Variants in CELF4 observed in about 807,000 individuals in gnomAD.
CELF4 encodes CUG-BP- and ETR-3-like factor 4.
CELF4 carries 18 observed loss-of-function variants against 59.9 expected under a neutral mutation model. The ratio of observed to expected loss-of-function variants is 0.30; its 90% confidence interval spans 0.21 to 0.45. CELF4 has a LOEUF of 0.45. CELF4 is among the 20% of genes least tolerant of loss of function. The pLI, the probability that CELF4 is intolerant of heterozygous loss-of-function variation, is 1.00. For synonymous variants in CELF4, 261 were observed against 267.1 expected, an observed-to-expected ratio of 0.98 and a Z score of 0.22; for missense variants, 456 against 689.0, an observed-to-expected ratio of 0.66 and a Z score of 3.79.
intron 2 of CELF4, among the ~76,000 whole-genome samples, chr18:37,456,212 C>A (rs1276411816): frequency 6.6e-6 from 1 of 152,154 alleles, no homozygotes; most frequent in Admixed American, 6.5e-5. Context: ...AGGGCAGACA[C>A]CCTGGTCTGG....
intron 2 of CELF4, among the ~76,000 whole-genome samples, chr18:37,353,527 G>A (rs1455719799): frequency 6.6e-6 from 1 of 151,418 alleles, no homozygotes; most frequent in Non-Finnish European, 1.5e-5. Context: ...TAGGGCATGG[G>A]GGAAGAACTG....
intron 2 of CELF4, among the ~76,000 whole-genome samples, chr18:37,456,736 G>A (rs1280370567): frequency 2.6e-5 from 4 of 152,144 alleles, no homozygotes; most frequent in South Asian, 2.1e-4. Context: ...ACCCTCCTGC[G>A]GATGCTCAAT....
chr18:37,505,674 G>C (rs996472798), intron 1 of CELF4, among the ~76,000 whole-genome samples: 1 of 152,216 alleles, frequency 6.6e-6, no homozygotes, highest in Non-Finnish European at 1.5e-5. Flanking sequence ...GCATCAGACA[G>C]ACCTGGAATC....
chr18:37,323,353 T>C (rs1454426711), intron 2 of CELF4, among the ~76,000 whole-genome samples: 1 of 151,976 alleles, frequency 6.6e-6, no homozygotes, highest in African/African-American at 2.4e-5. Flanking sequence ...GGAAGCAAGA[T>C]ACTTTGTTCC....
intron 3 of CELF4, among the ~76,000 whole-genome samples, chr18:37,301,166 C>T (rs1036547531): frequency 6.6e-6 from 1 of 152,160 alleles, no homozygotes; most frequent in African/African-American, 2.4e-5. Context: ...ATGAGCAAAA[C>T]TGTGGCACCA....
chr18:37,339,491 T>C lies in CELF4; in HGVS notation c.370-17610A>G, dbSNP rs537609756. Among the ~76,000 whole-genome samples the C allele has an allele frequency of 1.1e-4, 17 of 152,314 alleles. 1 individual carries two copies. The South Asian group carries it at 3.1e-3, about 28-fold the overall frequency. On this transcript the variant is annotated intron_variant, in intron 2 of 12. Transcript: ENST00000420428. Reference sequence around the variant, plus strand: ...AAAGGTGGCCAGGCACAGTGGCTCATGTCTGCAATCCCAGCACTTTGGGAG... The same window carrying C: ...AAAGGTGGCCAGGCACAGTGGCTCACGTCTGCAATCCCAGCACTTTGGGAG...
intron 3 of CELF4, among the ~76,000 whole-genome samples, chr18:37,319,242 G>T (rs2096990909): frequency 1.3e-5 from 2 of 152,238 alleles, no homozygotes; most frequent in Non-Finnish European, 2.9e-5. Context: ...GCTGAGTGAG[G>T]ATGGCACTCC....
intron 3 of CELF4, among the ~76,000 whole-genome samples, chr18:37,293,916 G>C (rs1238166559): frequency 3.9e-5 from 6 of 152,014 alleles, no homozygotes; most frequent in Non-Finnish European, 2.9e-5. Flanking sequence ...ACATATGGGG[G>C]TCAGGGAGGA....
In CELF4 at chr18:37,244,182, G is replaced by C. The variant is rs1458331474; in HGVS notation, c.*1060C>G. Reference sequence around the variant, plus strand: ...TTTTTATTTTTTTTTTTTATTTTTTGCTTTCCTCTAATTTTTCTTCTATTA... The same window carrying C: ...TTTTTATTTTTTTTTTTTATTTTTTCCTTTCCTCTAATTTTTCTTCTATTA... On this transcript the variant is annotated 3_prime_UTR_variant, in exon 13 of 13. Coordinates refer to ENST00000420428, the MANE Select transcript of CELF4 (RefSeq NM_020180.4). 8.5e-6 allele frequency: 1 copy of C among 117,906 alleles called. No individual in the cohort carries two copies. The highest frequency in any genetic ancestry group is 1.9e-5 in the Non-Finnish European group (1 of 53,076). The allele number at this position is 117,906 out of a possible 1,614,324, so 7.3% of individuals were successfully genotyped here. A position where few individuals can be genotyped will look rare whatever the true frequency, so the allele number is the denominator to read the frequency against.
chr18:37,361,715 C>T lies in CELF4; in HGVS notation c.370-39834G>A, dbSNP rs1192518086. ...CTCTTTCCCTCCTAAGGGGTCACTC[C>T]TGCTCATCAAGGATGTTTTAAGTGG... On this transcript the variant is annotated intron_variant, in intron 2 of 12. Transcript: ENST00000420428. Among the ~76,000 whole-genome samples the T allele has an allele frequency of 2.0e-5, 3 of 152,138 alleles. 1 individual carries two copies. The highest frequency in any genetic ancestry group is 2.0e-4 in the Admixed American group (3 of 15,278).
At position 37,565,543 on chromosome 18, in the gene CELF4, C is replaced by T. The variant is rs2099987956; in HGVS notation, c.99G>A (p.Met33Ile). ...TCCCCGGGCTGTGGCTTAATCCGTT[C>T]ATGTGCCCGGCACTGCCCGGGCTGC... ...LGSSPGSAGH[M>I]NGLSHSPGNP... is the part of the protein sequence containing the mutation. Residue 33 changes from methionine (M) to isoleucine (I), a missense_variant, in exon 1 of 13, where the codon ATG becomes ATA. Transcript: ENST00000420428. 1.9e-6 allele frequency: 3 copies of T among 1,614,210 alleles called. No homozygotes were observed. Among genetic ancestry groups the T allele is most frequent in the Non-Finnish European group, 2.5e-6 (3 of 1,180,024 alleles).
chr18:37,442,234 C>T (rs1380063010), intron 2 of CELF4, among the ~76,000 whole-genome samples: 1 of 152,160 alleles, frequency 6.6e-6, no homozygotes, highest in East Asian at 1.9e-4. Flanking sequence ...ACGAACATGG[C>T]TTCTGTAGGG....
At chr18:37,331,470 C>T (rs553081187) in intron 2 of CELF4, among the ~76,000 whole-genome samples, 25 of 152,200 alleles carry the variant, frequency 1.6e-4, no homozygotes, top group African/African-American at 4.3e-4. Context: ...GCACAGGCTC[C>T]GAGTATGATA....
intron 7 of CELF4, 28 bp downstream of exon 7, chr18:37,272,988 G>A: frequency 6.3e-7 from 1 of 1,592,564 alleles, no homozygotes; most frequent in Non-Finnish European, 8.6e-7. Context: ...CACCGGGCCA[G>A]ACCGCGTGTT....
chr18:37,517,509 C>A (rs7505999), intron 1 of CELF4, among the ~76,000 whole-genome samples: 134,965 of 152,040 alleles, frequency 0.89, 60,364 homozygotes, highest in East Asian at 0.96. Context: ...TGTCACTCTC[C>A]TCTTACACTG....
At chr18:37,265,444 T>C (rs917280197) in intron 9 of CELF4, among the ~76,000 whole-genome samples, 8 of 152,190 alleles carry the variant, frequency 5.3e-5, no homozygotes, top group African/African-American at 1.9e-4. Flanking sequence ...AGGAAGGATT[T>C]CCCACTTCTC....
At chr18:37,316,830 T>G (rs1376412504) in intron 3 of CELF4, among the ~76,000 whole-genome samples, 1 of 152,200 alleles carries the variant, frequency 6.6e-6, no homozygotes, top group Non-Finnish European at 1.5e-5. Flanking sequence ...TTCAGCCACC[T>G]TGAGAATGGG....
At chr18:37,379,507 CAA>C (rs56250210) in intron 2 of CELF4, among the ~76,000 whole-genome samples, 137 of 45,684 alleles carry the variant, frequency 3.0e-3, no homozygotes, top group Non-Finnish European at 4.3e-3. Flanking sequence ...AGGCCATAAG[CAA>C]AAAAAAAAAA....
Position 37,555,369 on chromosome 18 carries a change from G to A in CELF4, c.286+9987C>T, listed in dbSNP as rs77062566. 4.6e-3 allele frequency among the ~76,000 whole-genome samples: 701 copies of A among 152,236 alleles called. 9 individuals are homozygous for A. Among genetic ancestry groups the A allele is most frequent in the African/African-American group, 0.016 (652 of 41,548 alleles). On this transcript the variant is annotated intron_variant, in intron 1 of 12. Coordinates refer to ENST00000420428, the MANE Select transcript of CELF4 (RefSeq NM_020180.4). Reference sequence around the variant, plus strand: ...CCCACCCTGTTGAAAAGCAAAGGCCGGATGAGGGAGAGTGTTCTCACCGGT... The same window carrying A: ...CCCACCCTGTTGAAAAGCAAAGGCCAGATGAGGGAGAGTGTTCTCACCGGT...
Sources: gnomAD v4.1 joint callset for allele counts (sites outside exome capture counted in the v4.1 genomes callset) on GRCh38, gnomAD v4.1.1 for gene constraint, MANE v1.5 for transcripts, NCBI Gene and HGNC (gene_info 2026-07-23, HGNC 2026-07-21) for gene names.